The following KAT6B variants were observed in gnomAD, a reference collection of about 807,000 sequenced individuals.
KAT6B encodes histone acetyltransferase KAT6B.
Under a neutral mutation model 187.5 loss-of-function variants are expected in KAT6B, and 10 were observed. The ratio of observed to expected loss-of-function variants is 0.05; its 90% confidence interval spans 0.03 to 0.09. The LOEUF (loss-of-function observed/expected upper bound fraction) is 0.09. Among genes scored for constraint, KAT6B ranks in the 10% least tolerant of loss-of-function variants. The probability of loss-of-function intolerance (pLI) is 1.00; values close to 1 mark genes in which losing one functional copy is unlikely to be tolerated. For synonymous variants in KAT6B, 861 were observed against 926.8 expected (o/e 0.93, Z 1.29); for missense variants, 1,952 against 2,558.9 (o/e 0.76, Z 5.12).
chr10:75,025,569 A>T, intron 17 of KAT6B: 1 of 295,642 alleles, frequency 3.4e-6, no homozygotes. Context: ...TCTAATATGT[A>T]CTTTTTTTTT....
chr10:75,022,663 G>A (rs1845528678), intron 16 of KAT6B, among the ~76,000 whole-genome samples: 2 of 152,334 alleles, frequency 1.3e-5, no homozygotes, highest in South Asian at 4.1e-4. Flanking sequence ...GGGCGCAGTG[G>A]CTCACGCCTG....
chr10:74,942,004 G>T (rs562617704), intron 3 of KAT6B, among the ~76,000 whole-genome samples: 1 of 152,104 alleles, frequency 6.6e-6, no homozygotes, highest in South Asian at 2.1e-4. Flanking sequence ...ACAAAAATTA[G>T]CCAGGCATGG....
At chr10:74,879,718 TTTTG>T (rs1844712597) in intron 3 of KAT6B, among the ~76,000 whole-genome samples, 3 of 149,136 alleles carry the variant, frequency 2.0e-5, no homozygotes, top group Non-Finnish European at 4.5e-5. Context: ...ACAGTGTCGT[TTTTG>T]TTTTTTCCTT....
rs183836424 is a variant in KAT6B at position 74,918,944 on chromosome 10, A to G, written c.622-41026A>G. ...TAAAAATATTTTCTCTGGGCCGTGC[A>G]TGGTGGCTCACGCTTGTAATCCTAG... is the stretch of plus-strand genomic sequence containing the variant. On this transcript the variant is annotated intron_variant, in intron 3 of 17. Transcript: ENST00000287239. Among the ~76,000 whole-genome samples the G allele has an allele frequency of 6.2e-3, 943 of 151,896 alleles. 35 individuals carry two copies. The highest frequency in any genetic ancestry group is 0.058 in the Admixed American group (888 of 15,258).
intron 3 of KAT6B, among the ~76,000 whole-genome samples, chr10:74,930,528 G>T (rs1403120060): frequency 1.3e-5 from 2 of 152,136 alleles, no homozygotes; most frequent in Non-Finnish European, 2.9e-5. Context: ...CCACCTGTAT[G>T]CAGGTAGTTT....
At chr10:75,020,871 C>T in intron 14 of KAT6B, 58 bp downstream of exon 14, 1 of 1,397,064 alleles carries the variant, frequency 7.2e-7, no homozygotes, top group Non-Finnish European at 1.0e-6. Flanking sequence ...CAGAAAGGGT[C>T]CCTGGAGATA....
At chr10:74,872,521 G>T (rs151135355) in intron 3 of KAT6B, among the ~76,000 whole-genome samples, 143 of 152,136 alleles carry the variant, frequency 9.4e-4, no homozygotes, top group African/African-American at 3.3e-3. Flanking sequence ...GACTACAGTT[G>T]TGTACCACCA....
chr10:74,907,992 A>G (rs1564556013), intron 3 of KAT6B, among the ~76,000 whole-genome samples: 1 of 152,210 alleles, frequency 6.6e-6, no homozygotes, highest in Non-Finnish European at 1.5e-5. Context: ...AGGTGATTGG[A>G]TCACCAGGGC....
intron 3 of KAT6B, among the ~76,000 whole-genome samples, chr10:74,936,280 G>A (rs1432727230): frequency 2.0e-5 from 3 of 151,870 alleles, no homozygotes; most frequent in South Asian, 2.1e-4. Context: ...GCAGGCGCCT[G>A]TAATCCCAGC....
At chr10:74,988,717 G>T (rs1223092861) in intron 12 of KAT6B, among the ~76,000 whole-genome samples, 1 of 152,164 alleles carries the variant, frequency 6.6e-6, no homozygotes, top group Non-Finnish European at 1.5e-5. Flanking sequence ...AGCAAGGAAA[G>T]CATTTCTTTT....
intron 3 of KAT6B, among the ~76,000 whole-genome samples, chr10:74,903,188 C>T (rs1273291056): frequency 1.3e-5 from 2 of 152,164 alleles, no homozygotes; most frequent in Non-Finnish European, 2.9e-5. Flanking sequence ...ATTACCTTGT[C>T]GGATTGCCAT....
chr10:74,934,313 CTT>C (rs1162797943), intron 3 of KAT6B, among the ~76,000 whole-genome samples: 1 of 151,380 alleles, frequency 6.6e-6, no homozygotes, highest in Admixed American at 6.6e-5. Context: ...TTTCTGAAAA[CTT>C]TATTGAATTT....
chr10:74,919,358 G>A (rs116333034), intron 3 of KAT6B, among the ~76,000 whole-genome samples: 4,907 of 151,882 alleles, frequency 0.032, 203 homozygotes, highest in East Asian at 0.17. Context: ...AGGAAAATTC[G>A]CAGCCATTAT....
chr10:74,949,798 T>C (rs1840193876), intron 3 of KAT6B, among the ~76,000 whole-genome samples: 1 of 152,200 alleles, frequency 6.6e-6, no homozygotes, highest in African/African-American at 2.4e-5. Flanking sequence ...TTTCTTTAAA[T>C]GAAAAAAGAA....
At chr10:74,994,605 A>C (rs1355304533) in intron 13 of KAT6B, among the ~76,000 whole-genome samples, 4 of 151,954 alleles carry the variant, frequency 2.6e-5, no homozygotes, top group Non-Finnish European at 5.9e-5. Flanking sequence ...CAACACGGTG[A>C]AACCCTGTCT....
chr10:74,981,890 A>G lies in KAT6B; in HGVS notation c.2335A>G (p.Asn779Asp), dbSNP rs576288933. Residue 779 changes from asparagine to aspartate, a missense_variant, in exon 11 of 18, where the codon AAT becomes GAT. Coordinates refer to ENST00000287239, the MANE Select transcript of KAT6B (RefSeq NM_012330.4). Reference sequence around the variant, plus strand: ...GTGTGGATGGTTTCATCCTCCAGCAAATGAAATTTACCGAAGGAAAGACCT... The same window carrying G: ...GTGTGGATGGTTTCATCCTCCAGCAGATGAAATTTACCGAAGGAAAGACCT... ...KKCGWFHPPA[N>D]EIYRRKDLSV... The G allele has an allele frequency of 1.2e-6, 2 of 1,613,814 alleles. No individual in the cohort carries two copies. Among genetic ancestry groups the G allele is most frequent in the South Asian group, 1.1e-5 (1 of 91,070 alleles).
intron 13 of KAT6B, among the ~76,000 whole-genome samples, chr10:75,007,355 G>A (rs902048900): frequency 6.6e-6 from 1 of 152,130 alleles, no homozygotes; most frequent in Non-Finnish European, 1.5e-5. Context: ...GCAAAATCCA[G>A]AGTGAGGACA....
intron 10 of KAT6B, among the ~76,000 whole-genome samples, chr10:74,981,105 A>G (rs1842478827): frequency 6.6e-6 from 1 of 152,260 alleles, no homozygotes; most frequent in Non-Finnish European, 1.5e-5. Context: ...TGGTCCCTTG[A>G]CAGGATGATA....
At chr10:74,840,559 G>A (rs1316120079) in intron 2 of KAT6B, among the ~76,000 whole-genome samples, 1 of 152,162 alleles carries the variant, frequency 6.6e-6, no homozygotes, top group Non-Finnish European at 1.5e-5. Context: ...AGTGGGGTGA[G>A]CTGCCTCAAA....
Sources: gnomAD v4.1 joint callset for allele counts (sites outside exome capture counted in the v4.1 genomes callset) on GRCh38, gnomAD v4.1.1 for gene constraint, MANE v1.5 for transcripts, NCBI Gene and HGNC (gene_info 2026-07-23, HGNC 2026-07-21) for gene names.